The following CTNNA2 variants were observed in gnomAD, a reference collection of about 807,000 sequenced individuals.
CTNNA2 encodes catenin alpha-2.
Under a neutral mutation model 101.0 loss-of-function variants are expected in CTNNA2, and 42 were observed. The ratio of observed to expected loss-of-function variants is 0.42; its 90% CI spans 0.32 to 0.54. The LOEUF (loss-of-function observed/expected upper bound fraction) is 0.54. Among genes scored for constraint, CTNNA2 ranks in the 20% least tolerant of loss-of-function variants. The pLI, the probability that CTNNA2 is intolerant of heterozygous loss-of-function variation, is 0.14. For synonymous variants in CTNNA2, 450 were observed against 456.4 expected (o/e 0.99, Z 0.18); for missense variants, 871 against 1,223.1 (o/e 0.71, Z 4.29).
chr2:79,778,422 A>G (rs1161095751), intron 3 of CTNNA2, among the ~76,000 whole-genome samples: 1 of 152,096 alleles, frequency 6.6e-6, no homozygotes, highest in African/African-American at 2.4e-5. Context: ...CATGGCTTCT[A>G]ATTTTTCTCA....
chr2:79,725,142 T>G (rs1044074890), intron 2 of CTNNA2, among the ~76,000 whole-genome samples: 1 of 152,170 alleles, frequency 6.6e-6, no homozygotes, highest in Non-Finnish European at 1.5e-5. Context: ...TCTTTCAGAT[T>G]AAGCTTACCA....
At chr2:79,267,321 T>C (rs1322078355) in intron 2 of CTNNA2, among the ~76,000 whole-genome samples, 1 of 152,112 alleles carries the variant, frequency 6.6e-6, no homozygotes, top group African/African-American at 2.4e-5. Context: ...ATAAAGACAC[T>C]GGCAGAGTCA....
intron 2 of CTNNA2, among the ~76,000 whole-genome samples, chr2:79,276,717 A>G (rs1675221493): frequency 6.6e-6 from 1 of 151,594 alleles, no homozygotes; most frequent in Non-Finnish European, 1.5e-5. Context: ...TTTTCCTTTC[A>G]TGTTGTAATC....
At position 79,287,544 on chromosome 2, in the gene CTNNA2, G is replaced by C. The variant is rs1339992563; in HGVS notation, c.-405-25165G>C. ...AGGTGTCAGTCTGCCCCTGCTGGGGGGTGCCTCCCAGTTAGGCTGCTCAGG... is the reference window on the plus strand; with the variant it reads ...AGGTGTCAGTCTGCCCCTGCTGGGGCGTGCCTCCCAGTTAGGCTGCTCAGG... On this transcript the variant is annotated intron_variant, in intron 2 of 21. Coordinates refer to the CTNNA2 transcript ENST00000466387. Among the ~76,000 whole-genome samples the C allele has an allele frequency of 8.2e-5, 9 of 109,188 alleles. No individual in the cohort carries two copies. The Admixed American group carries it at 8.5e-4, about 10-fold the overall frequency. The allele number at this position is 109,188 out of a possible 152,430, so 71.6% of individuals were successfully genotyped here.
At chr2:80,543,035 A>G (rs1317672428) in intron 9 of CTNNA2, among the ~76,000 whole-genome samples, 4 of 152,198 alleles carry the variant, frequency 2.6e-5, no homozygotes, top group Non-Finnish European at 4.4e-5. Flanking sequence ...GCTCAACTGT[A>G]TTTTTGAGGG....
intron 13 of CTNNA2, among the ~76,000 whole-genome samples, chr2:80,580,877 A>G (rs550355852): frequency 1.3e-5 from 2 of 152,180 alleles, no homozygotes; most frequent in African/African-American, 4.8e-5. Flanking sequence ...TTAGCCAAGC[A>G]TGATGGTGTA....
chr2:80,360,313 G>A (rs551059636), intron 7 of CTNNA2, among the ~76,000 whole-genome samples: 26 of 152,174 alleles, frequency 1.7e-4, no homozygotes, highest in African/African-American at 4.6e-4. Context: ...ATGACACACC[G>A]TATATTTTTT....
At chr2:79,329,736 A>G (rs916930534) in intron 3 of CTNNA2, among the ~76,000 whole-genome samples, 19 of 152,260 alleles carry the variant, frequency 1.2e-4, no homozygotes, top group African/African-American at 4.3e-4. Flanking sequence ...AGAGATCTCA[A>G]AGTCTTCAGC....
At chr2:79,574,356 T>C (rs1675652904) in intron 1 of CTNNA2, among the ~76,000 whole-genome samples, 1 of 152,156 alleles carries the variant, frequency 6.6e-6, no homozygotes. Flanking sequence ...TTTTCAGTCC[T>C]CACCCCCCTT....
intron 7 of CTNNA2, among the ~76,000 whole-genome samples, chr2:80,226,866 T>G (rs1307510479): frequency 1.3e-5 from 2 of 152,166 alleles, no homozygotes; most frequent in African/African-American, 4.8e-5. Context: ...ATCTCCAGGA[T>G]GCAGTGCATT....
At chr2:80,069,068 A>G (rs1698161094) in intron 7 of CTNNA2, among the ~76,000 whole-genome samples, 2 of 152,224 alleles carry the variant, frequency 1.3e-5, no homozygotes, top group Non-Finnish European at 2.9e-5. Flanking sequence ...AGAACTAGGA[A>G]CACAGGGGAA....
chr2:79,398,289 A>T (rs1193846359), intron 4 of CTNNA2, among the ~76,000 whole-genome samples: 1 of 152,140 alleles, frequency 6.6e-6, no homozygotes, highest in African/African-American at 2.4e-5. Context: ...TTTTCCTAGC[A>T]ATAACCTTTG....
intron 7 of CTNNA2, among the ~76,000 whole-genome samples, chr2:80,246,079 C>A (rs1170272225): frequency 6.6e-6 from 1 of 152,052 alleles, no homozygotes; most frequent in Non-Finnish European, 1.5e-5. Context: ...TAGGCGAGAT[C>A]CACCATGCTT....
At chr2:79,707,191 A>G (rs1573743527) in intron 2 of CTNNA2, among the ~76,000 whole-genome samples, 2 of 152,150 alleles carry the variant, frequency 1.3e-5, no homozygotes, top group Non-Finnish European at 2.9e-5. Flanking sequence ...TGGCTTGGTG[A>G]AAAGAAGATG....
chr2:80,095,785 T>C (rs1700107002), intron 7 of CTNNA2, among the ~76,000 whole-genome samples: 1 of 151,940 alleles, frequency 6.6e-6, no homozygotes, highest in South Asian at 2.1e-4. Flanking sequence ...TCTAGTTTAT[T>C]TGCATAGAGG....
intron 4 of CTNNA2, among the ~76,000 whole-genome samples, chr2:79,498,396 G>A (rs1671281431): frequency 6.6e-6 from 1 of 152,116 alleles, no homozygotes; most frequent in Admixed American, 6.5e-5. Context: ...AATATCTTTG[G>A]CAGTACAGCT....
chr2:80,640,476 G>A (rs1313183072), intron 18 of CTNNA2, among the ~76,000 whole-genome samples: 1 of 152,154 alleles, frequency 6.6e-6, no homozygotes, highest in Non-Finnish European at 1.5e-5. Flanking sequence ...AACTTAAGTG[G>A]GAAAAGATGT....
intron 3 of CTNNA2, among the ~76,000 whole-genome samples, chr2:79,342,813 C>T (rs1043225603): frequency 6.6e-6 from 1 of 152,108 alleles, no homozygotes. Flanking sequence ...GAGTATTTAC[C>T]ATGTGCCTAA....
chr2:80,397,664 T>A (rs1678146370), intron 8 of CTNNA2, among the ~76,000 whole-genome samples: 1 of 152,192 alleles, frequency 6.6e-6, no homozygotes, highest in Non-Finnish European at 1.5e-5. Context: ...CCCAACCTTG[T>A]GGAGTTGTGA....
Sources: gnomAD v4.1 joint callset for allele counts (sites outside exome capture counted in the v4.1 genomes callset) on GRCh38, gnomAD v4.1.1 for gene constraint, MANE v1.5 for transcripts, NCBI Gene and HGNC (gene_info 2026-07-23, HGNC 2026-07-21) for gene names.